Variants in PATJ observed in about 807,000 individuals in gnomAD.
PATJ encodes inaD-like protein.
PATJ carries 190 observed loss-of-function variants against 224.9 expected under a neutral mutation model. That is an observed-to-expected ratio of 0.84 (90% CI 0.75 to 0.95). PATJ has a LOEUF of 0.95. Ranked by LOEUF, PATJ falls within the 40% of genes least tolerant of loss-of-function variation. The probability of loss-of-function intolerance (pLI) is 0.00; values close to 1 mark genes in which losing one functional copy is unlikely to be tolerated. For synonymous variants in PATJ, 769 were observed against 820.3 expected (o/e 0.94, Z 1.07); for missense variants, 2,121 against 2,270.3 (o/e 0.93, Z 1.34).
At chr1:61,870,051 G>A (rs547967637) in intron 20 of PATJ, among the ~76,000 whole-genome samples, 25 of 152,346 alleles carry the variant, frequency 1.6e-4, no homozygotes, top group East Asian at 1.4e-3. Flanking sequence ...ACGTGAGGCC[G>A]CTGCCCTCTG....
intron 34 of PATJ, among the ~76,000 whole-genome samples, chr1:62,111,722 A>G (rs992561849): frequency 6.8e-6 from 1 of 147,996 alleles, no homozygotes; most frequent in African/African-American, 2.5e-5. Flanking sequence ...GTGTAACAGC[A>G]CAATCTCTGC....
Position 62,017,884 on chromosome 1 carries a change from GT to G in PATJ, c.3897del (p.His1300ThrfsTer81). On this transcript the variant is annotated frameshift_variant, in exon 29 of 44. Coordinates refer to ENST00000642238, the MANE Select transcript of PATJ (RefSeq NM_001350145.3). LOFTEE classifies it high-confidence loss of function. The stretch of plus-strand genomic sequence containing the variant: ...AACAATCAGATTCTGTATGGAAGAA[GT>G]CACCAAAATGCATCTGCCATTATTA... The part of the protein sequence containing the change: ...EINNQILYGR[S>X]HQNASAIIKT... 1 of 1,611,404 alleles carries G rather than the reference GT, an allele frequency of 6.2e-7. No individual in the cohort carries two copies. Among genetic ancestry groups the G allele is most frequent in the Non-Finnish European group, 8.5e-7 (1 of 1,177,736 alleles).
At chr1:62,122,131 A>C (rs1299382456) in intron 38 of PATJ, among the ~76,000 whole-genome samples, 1 of 150,668 alleles carries the variant, frequency 6.6e-6, no homozygotes, top group African/African-American at 2.4e-5. Flanking sequence ...TTGGGAGGCC[A>C]AGGCAGGCGG....
At chr1:61,825,834 T>C (rs987764093) in intron 15 of PATJ, among the ~76,000 whole-genome samples, 2 of 152,208 alleles carry the variant, frequency 1.3e-5, no homozygotes, top group Admixed American at 1.3e-4. Context: ...CTCATACTCA[T>C]GTATGGGAAG....
intron 41 of PATJ, 77 bp downstream of exon 41, chr1:62,129,022 T>C (rs1666015193): frequency 2.3e-6 from 2 of 884,292 alleles, no homozygotes; most frequent in Non-Finnish European, 1.9e-6. Context: ...TCACTGGCAG[T>C]AGACATCGCC....
chr1:61,845,537 T>TTTTA (rs1470459199), intron 17 of PATJ, among the ~76,000 whole-genome samples: 1 of 152,174 alleles, frequency 6.6e-6, no homozygotes, highest in East Asian at 1.9e-4. Flanking sequence ...CTGACATAAT[T>TTTTA]TTTATTTATT....
At chr1:62,155,291 C>G (rs916257995) in intron 43 of PATJ, among the ~76,000 whole-genome samples, 1 of 152,134 alleles carries the variant, frequency 6.6e-6, no homozygotes, top group African/African-American at 2.4e-5. Context: ...CTTCTAAGGC[C>G]TTTTGACCTG....
intron 31 of PATJ, among the ~76,000 whole-genome samples, chr1:62,077,639 G>A (rs758212973): frequency 7.3e-6 from 1 of 137,106 alleles, no homozygotes; most frequent in South Asian, 2.3e-4. Context: ...TCAGTGAGCC[G>A]AGATCACACA....
At chr1:61,995,133 G>C (rs1645279745) in intron 28 of PATJ, among the ~76,000 whole-genome samples, 1 of 152,164 alleles carries the variant, frequency 6.6e-6, no homozygotes. Context: ...TTGCAGTGTA[G>C]TAGATTGTAG....
At chr1:61,743,168 AGGCCCTG>A (rs1313647454) in intron 1 of PATJ, among the ~76,000 whole-genome samples, 2 of 152,244 alleles carry the variant, frequency 1.3e-5, no homozygotes, top group African/African-American at 4.8e-5. Context: ...GCCAGCGGTC[AGGCCCTG>A]GGCTCTGCCA....
At chr1:61,995,055 A>G (rs1169987028) in intron 28 of PATJ, among the ~76,000 whole-genome samples, 1 of 152,234 alleles carries the variant, frequency 6.6e-6, no homozygotes, top group African/African-American at 2.4e-5. Flanking sequence ...AGCTGAGTAT[A>G]GGAAATTTAT....
intron 22 of PATJ, among the ~76,000 whole-genome samples, chr1:61,885,471 A>T (rs1396565343): frequency 6.6e-6 from 1 of 152,106 alleles, no homozygotes; most frequent in Non-Finnish European, 1.5e-5. Context: ...TCAAAACCAC[A>T]ATGAGATACC....
chr1:61,789,307 A>T (rs1049867415), intron 8 of PATJ, among the ~76,000 whole-genome samples: 1 of 150,200 alleles, frequency 6.7e-6, no homozygotes, highest in Non-Finnish European at 1.5e-5. Context: ...CTCTATTAAA[A>T]AAATAAATAA....
chr1:62,128,261 C>A (rs1467283621), intron 40 of PATJ, 167 bp downstream of exon 40: 1 of 597,606 alleles, frequency 1.7e-6, no homozygotes, highest in East Asian at 2.9e-5. Flanking sequence ...TTCATTAGGT[C>A]CCCAGGCACA....
intron 28 of PATJ, among the ~76,000 whole-genome samples, chr1:61,996,102 A>C (rs1397386138): frequency 2.0e-5 from 3 of 152,242 alleles, no homozygotes; most frequent in African/African-American, 7.2e-5. Flanking sequence ...GGATAACCCA[A>C]GTAAAATCCT....
intron 28 of PATJ, among the ~76,000 whole-genome samples, chr1:62,007,692 A>G (rs1646173919): frequency 6.6e-6 from 1 of 152,212 alleles, no homozygotes. Flanking sequence ...GAGAAGCCCA[A>G]CATCTAGATG....
chr1:61,898,002 T>A (rs1399222572), intron 22 of PATJ, among the ~76,000 whole-genome samples: 2 of 152,238 alleles, frequency 1.3e-5, no homozygotes, highest in Admixed American at 1.3e-4. Flanking sequence ...CCTTTTCACA[T>A]GGCCTTACAA....
rs549466792 is a variant in PATJ, at chr1:61,861,523, T to G, written c.2323-28T>G. 11 of 1,043,238 alleles carry G rather than the reference T, an allele frequency of 1.1e-5. No homozygotes were observed. The African/African-American group carries it at 1.5e-4, about 14-fold the overall frequency. The allele number at this position is 1,043,238 out of a possible 1,614,324, so 64.6% of individuals were successfully genotyped here. ...CCCCACCCCACAATATTTTCTTATT[T>G]ATAAATAAAAGTGGTTTATATTTTC... On this transcript the variant is annotated intron_variant, in intron 18 of 43. Transcript: ENST00000642238.
chr1:61,959,434 C>CTTTTTTTT, intron 27 of PATJ, among the ~76,000 whole-genome samples: 1 of 115,978 alleles, frequency 8.6e-6, no homozygotes, highest in African/African-American at 3.4e-5. Context: ...TATTTTTTTT[C>CTTTTTTTT]TTTTCTTTTT....
Sources: allele counts gnomAD v4.1 joint callset (sites outside exome capture counted in the v4.1 genomes callset), GRCh38; gene constraint gnomAD v4.1.1; transcripts MANE v1.5; gene names NCBI Gene and HGNC (gene_info 2026-07-23, HGNC 2026-07-21).